The following TMEM181 variants were observed in gnomAD, a reference collection of about 807,000 sequenced individuals.
The protein encoded by TMEM181 is G protein-coupled receptor 178.
Under a neutral mutation model 71.9 loss-of-function variants are expected in TMEM181, and 39 were observed. The observed-to-expected ratio is 0.54, with a 90% CI of 0.42 to 0.71. TMEM181 has a LOEUF of 0.71. TMEM181 is among the 30% of genes least tolerant of loss of function. TMEM181 has a pLI of 0.00. For synonymous variants in TMEM181, 245 were observed against 228.8 expected (o/e 1.07, Z -0.64); for missense variants, 595 against 583.0 (o/e 1.02, Z -0.21).
At chr6:158,542,320 C>A (rs1300237711) in intron 1 of TMEM181, among the ~76,000 whole-genome samples, 1 of 152,180 alleles carries the variant, frequency 6.6e-6, no homozygotes, top group African/African-American at 2.4e-5. Context: ...TTGTCAGATA[C>A]TAAAGTTGTT....
chr6:158,631,793 G>C lies in TMEM181; in HGVS notation c.1350-17G>C. On this transcript the variant is annotated splice_polypyrimidine_tract_variant and intron_variant, in intron 16 of 16. Coordinates refer to ENST00000684151, the MANE Select transcript of TMEM181 (RefSeq NM_001376852.1). ...CTGTCAGAAGTTAGACGGTCTCAAA[G>C]GTCTCTTTGCTCACAGGAGTGACTA... 1.9e-6 allele frequency: 3 copies of C among 1,587,684 alleles called. No individual in the cohort carries two copies. Among genetic ancestry groups the C allele is most frequent in the Non-Finnish European group, 2.6e-6 (3 of 1,166,170 alleles).
At chr6:158,585,187 G>T in intron 4 of TMEM181, 117 bp from the exon 5 acceptor site, 1 of 1,113,726 alleles carries the variant, frequency 9.0e-7, no homozygotes, top group Non-Finnish European at 1.2e-6. Context: ...AGGCCAATGT[G>T]GCCTAAGGAC....
rs1043805284 is a variant in TMEM181, at chr6:158,582,939, C to A, written c.169-1015C>A. Among the ~76,000 whole-genome samples the A allele has an allele frequency of 6.0e-4, 92 of 152,156 alleles. 1 individual carries two copies. Among genetic ancestry groups the A allele is most frequent in the African/African-American group, 2.2e-3 (90 of 41,424 alleles). On this transcript the variant is annotated intron_variant, in intron 3 of 16. Transcript: ENST00000684151. ...CAATTTGCCTGGCATATGGATACTT[C>A]AGAAATAATTCTTGGCCGGGCGCAG...
At chr6:158,565,872 C>A (rs1455485233) in intron 1 of TMEM181, among the ~76,000 whole-genome samples, 1 of 152,164 alleles carries the variant, frequency 6.6e-6, no homozygotes. Context: ...GTGGAGTGAC[C>A]TGTCAGTGGC....
chr6:158,626,609 C>T (rs752505866), intron 13 of TMEM181: 7 of 456,728 alleles, frequency 1.5e-5, no homozygotes, highest in Admixed American at 4.7e-5. Context: ...AGTGTGAACT[C>T]AGCTCAGACT....
rs373615885 is a variant in TMEM181 at position 158,608,459 on chromosome 6, T to C, written c.800T>C (p.Val267Ala). ...FWLCVYHGIR[V>A]QGERKCLTFY... Reference sequence around the variant, plus strand: ...CTGTGCGTGTACCACGGGATTCGTGTCCAGGTGAGCCGGAGCCGCCCTCAC... The same window carrying C: ...CTGTGCGTGTACCACGGGATTCGTGCCCAGGTGAGCCGGAGCCGCCCTCAC... Residue 267 changes from valine to alanine, a missense_variant, in exon 9 of 17, where the codon GTC becomes GCC. Coordinates refer to ENST00000684151, the MANE Select transcript of TMEM181 (RefSeq NM_001376852.1). The C allele has an allele frequency of 1.2e-4, 196 of 1,614,052 alleles. No homozygotes were observed. The highest frequency in any genetic ancestry group is 1.5e-4 in the Non-Finnish European group (175 of 1,180,026).
chr6:158,589,456 T>A (rs1243647374), intron 5 of TMEM181, among the ~76,000 whole-genome samples: 3 of 152,192 alleles, frequency 2.0e-5, no homozygotes, highest in Non-Finnish European at 4.4e-5. Context: ...TTCTAATTGG[T>A]GTAAATCATA....
intron 1 of TMEM181, among the ~76,000 whole-genome samples, chr6:158,560,654 G>C (rs1782109625): frequency 6.6e-6 from 1 of 152,222 alleles, no homozygotes; most frequent in South Asian, 2.1e-4. Flanking sequence ...TCGGTATCGA[G>C]AGCGCCCCGC....
At chr6:158,560,276 A>T (rs1782080603) in intron 1 of TMEM181, 44 bp downstream of exon 1, 1 of 984,460 alleles carries the variant, frequency 1.0e-6, no homozygotes, top group Non-Finnish European at 1.2e-6. Context: ...CTCTCCGGAC[A>T]CTCCGGCCGA....
At chr6:158,631,571 T>C (rs1352925387) in intron 16 of TMEM181, among the ~76,000 whole-genome samples, 182 bp downstream of exon 16, 1 of 152,206 alleles carries the variant, frequency 6.6e-6, no homozygotes, top group Non-Finnish European at 1.5e-5. Context: ...GTAGTAGTCC[T>C]TTCTGCTGGC....
intron 6 of TMEM181, among the ~76,000 whole-genome samples, chr6:158,600,016 G>A (rs940387257): frequency 1.3e-5 from 2 of 152,212 alleles, no homozygotes; most frequent in Non-Finnish European, 2.9e-5. Flanking sequence ...GTGTGATGAA[G>A]GCGCCGCGTG....
intron 1 of TMEM181, among the ~76,000 whole-genome samples, chr6:158,569,432 G>A (rs1782683859): frequency 2.0e-5 from 3 of 152,094 alleles, no homozygotes. Context: ...TGTTTTCTCT[G>A]TCTTTTTTCC....
chr6:158,588,095 G>C (rs1783886080), intron 5 of TMEM181, among the ~76,000 whole-genome samples: 1 of 152,220 alleles, frequency 6.6e-6, no homozygotes, highest in African/African-American at 2.4e-5. Context: ...AATGAGAGCT[G>C]ATCAGGTGGA....
intron 1 of TMEM181, among the ~76,000 whole-genome samples, chr6:158,546,143 A>G (rs1433472801): frequency 6.6e-6 from 1 of 152,208 alleles, no homozygotes; most frequent in African/African-American, 2.4e-5. Flanking sequence ...TCCATCTGGA[A>G]AGGTCAAGCA....
At position 158,634,742 on chromosome 6, in the gene TMEM181, A is replaced by T. The variant is rs1487098548; in HGVS notation, c.*2854A>T. 6.6e-6 allele frequency: 1 copy of T among 152,182 alleles called. No homozygotes were observed. The highest frequency in any genetic ancestry group is 1.5e-5 in the Non-Finnish European group (1 of 68,030). 9.4% of individuals were successfully genotyped at this position (152,182 alleles called of 1,614,324 possible). A position where few individuals can be genotyped will look rare whatever the true frequency, so the allele number is the denominator to read the frequency against. On this transcript the variant is annotated 3_prime_UTR_variant, in exon 17 of 17. Coordinates refer to ENST00000684151, the MANE Select transcript of TMEM181 (RefSeq NM_001376852.1). ...TGCAGATTGCAATAAAAGCTTAGATACATTTTGTAAACCCAACCCACTAAA... is the reference window on the plus strand; with the variant it reads ...TGCAGATTGCAATAAAAGCTTAGATTCATTTTGTAAACCCAACCCACTAAA...
upstream of TMEM181, among the ~76,000 whole-genome samples, chr6:158,559,061 A>G (rs1396354736): frequency 6.6e-6 from 1 of 152,134 alleles, no homozygotes; most frequent in African/African-American, 2.4e-5. Flanking sequence ...TTGTGTAACT[A>G]TTCCTTGGTG....
At chr6:158,593,686 G>A (rs1276693555) in intron 6 of TMEM181, among the ~76,000 whole-genome samples, 1 of 152,234 alleles carries the variant, frequency 6.6e-6, no homozygotes, top group Non-Finnish European at 1.5e-5. Flanking sequence ...TAAAATTGCT[G>A]TTGAAGACAT....
chr6:158,573,514 G>A lies in TMEM181; in HGVS notation c.103G>A (p.Gly35Arg). Residue 35 changes from glycine (G) to arginine (R), a missense_variant, in exon 2 of 17, where the codon GGG becomes AGG. Coordinates refer to ENST00000684151, the MANE Select transcript of TMEM181 (RefSeq NM_001376852.1). ...CTGCTTTGGCCTGACCATCTTCGTTGGGATCAGAGGTAAGGTTCGGTTTTT... is the reference window on the plus strand; with the variant it reads ...CTGCTTTGGCCTGACCATCTTCGTTAGGATCAGAGGTAAGGTTCGGTTTTT... ...FICFGLTIFV[G>R]IRGPKVIQTS... 1 of 1,604,518 alleles carries A rather than the reference G, an allele frequency of 6.2e-7. No individual in the cohort carries two copies. Among genetic ancestry groups the A allele is most frequent in the Non-Finnish European group, 8.5e-7 (1 of 1,175,584 alleles).
intron 5 of TMEM181, among the ~76,000 whole-genome samples, chr6:158,587,874 G>A (rs1191481887): frequency 6.6e-6 from 1 of 152,118 alleles, no homozygotes; most frequent in Non-Finnish European, 1.5e-5. Context: ...TCCCTGAAAA[G>A]TGAGACAAAT....
Sources: gnomAD v4.1 joint callset for allele counts (sites outside exome capture counted in the v4.1 genomes callset) on GRCh38, gnomAD v4.1.1 for gene constraint, MANE v1.5 for transcripts, NCBI Gene and HGNC (gene_info 2026-07-23, HGNC 2026-07-21) for gene names.